Variants in LDHB observed in about 807,000 individuals in gnomAD.
LDHB encodes the protein lactate dehydrogenase B.
LDHB carries 18 observed loss-of-function variants against 33.4 expected under a neutral mutation model. The observed-to-expected ratio is 0.54, with a 90% confidence interval of 0.37 to 0.80. The LOEUF (loss-of-function observed/expected upper bound fraction) is 0.80, where lower values mean the gene tolerates loss of function less well. LDHB is among the 30% of genes least tolerant of loss of function. The pLI is 0.00. For synonymous variants in LDHB, 121 were observed against 140.6 expected, an observed-to-expected ratio of 0.86 and a Z score of 0.98; for missense variants, 345 against 407.9, an observed-to-expected ratio of 0.85 and a Z score of 1.33.
intron 2 of LDHB, among the ~76,000 whole-genome samples, chr12:21,652,062 C>T (rs921574732): frequency 1.2e-4 from 18 of 151,888 alleles, no homozygotes; most frequent in African/African-American, 4.4e-4. Context: ...ACTCCAGGCA[C>T]AGTCTCAATT....
At chr12:21,636,389 C>T (rs1304268510) in intron 7 of LDHB, among the ~76,000 whole-genome samples, 4 of 151,220 alleles carry the variant, frequency 2.6e-5, no homozygotes, top group East Asian at 1.9e-4. Flanking sequence ...TTTACCAGTT[C>T]GTGTGGGTAA....
chr12:21,639,076 A>G (rs540518341), intron 5 of LDHB, among the ~76,000 whole-genome samples: 5 of 152,092 alleles, frequency 3.3e-5, no homozygotes, highest in African/African-American at 9.6e-5. Context: ...AAATAGGAGC[A>G]AAAGTGTGGG....
intron 1 of LDHB, among the ~76,000 whole-genome samples, chr12:21,655,442 TC>T (rs1166493324): frequency 6.6e-6 from 1 of 152,240 alleles, no homozygotes; most frequent in African/African-American, 2.4e-5. Flanking sequence ...TGGTTATCAT[TC>T]TTGGAAGATA....
chr12:21,635,500 C>T lies in LDHB; in HGVS notation c.*42G>A, dbSNP rs1464384055. ...ATGAAAACTAAAGGCTCGAGTTAAT[C>T]ACATTGTAGTTTTTAAATTTCTACA... is the stretch of plus-strand genomic sequence containing the variant. On this transcript the variant is annotated 3_prime_UTR_variant, in exon 8 of 8. Coordinates refer to ENST00000350669, the MANE Select transcript of LDHB (RefSeq NM_002300.8). 15 of 1,507,582 alleles carry T rather than the reference C, an allele frequency of 9.9e-6. No individual in the cohort carries two copies. Among genetic ancestry groups the T allele is most frequent in the Middle Eastern group, 2.3e-4 (1 of 4,300 alleles). 93.4% of individuals were successfully genotyped at this position (1,507,582 alleles called of 1,614,324 possible). A position where few individuals can be genotyped will look rare whatever the true frequency, so the allele number is the denominator to read the frequency against.
chr12:21,644,446 C>CCAAAAAAA (rs1555165057), intron 3 of LDHB, among the ~76,000 whole-genome samples: 4 of 108,846 alleles, frequency 3.7e-5, no homozygotes, highest in Admixed American at 2.0e-4. Flanking sequence ...AAAAAAAAAA[C>CCAAAAAAA]AAAAACAAAA....
Position 21,635,664 on chromosome 12 carries a change from TA to T in LDHB, c.882del (p.Cys294Ter), listed in dbSNP as rs1263799250. 6.2e-7 allele frequency: 1 copy of T among 1,613,760 alleles called. No homozygotes were observed. Among genetic ancestry groups the T allele is most frequent in the Admixed American group, 1.7e-5 (1 of 59,976 alleles). ...CTGGTTAATCCCCGGGCATTGAGGA[TA>T]CATGGAAGGCTCAGGAAGACTTCAT... ...IENEVFLSLP[C>X]ILNARGLTSV... On this transcript the variant is annotated frameshift_variant, in exon 8 of 8. Coordinates refer to ENST00000350669, the MANE Select transcript of LDHB (RefSeq NM_002300.8). LOFTEE classifies it high-confidence loss of function.
rs755495370 is a variant in LDHB, at chr12:21,654,548, C to A, written c.124G>T (p.Gly42Ter). 1.9e-6 allele frequency: 3 copies of A among 1,614,042 alleles called. No individual in the cohort carries two copies. Among genetic ancestry groups the A allele is most frequent in the Non-Finnish European group, 2.5e-6 (3 of 1,179,950 alleles). ...VGMACAISIL[G>*]KSLADELALV... The stretch of plus-strand genomic sequence containing the variant: ...ATGGTGTTCTTGAAATGTACCTTTC[C>A]CAGAATGCTGATAGCACACGCCATA... The change falls in exon 2 of 8, where the codon GGA (glycine) becomes TGA (stop). Residue 42 changes from glycine to a stop codon, truncating the protein, a stop_gained. Transcript: ENST00000350669. LOFTEE classifies it high-confidence loss of function.
At chr12:21,648,361 G>A (rs767027431) in intron 2 of LDHB, among the ~76,000 whole-genome samples, 5 of 152,014 alleles carry the variant, frequency 3.3e-5, no homozygotes, top group African/African-American at 9.7e-5. Flanking sequence ...AGTATTCACC[G>A]GATGCAAAAG....
chr12:21,641,717 A>T (rs1938372708), intron 5 of LDHB, among the ~76,000 whole-genome samples: 1 of 152,154 alleles, frequency 6.6e-6, no homozygotes, highest in Non-Finnish European at 1.5e-5. Flanking sequence ...AAGGAGAAAA[A>T]GGTGAGGGAA....
At position 21,635,403 on chromosome 12, in the gene LDHB, T is replaced by C. The variant is rs1200236342; in HGVS notation, c.*139A>G. The C allele has an allele frequency of 1.5e-5, 11 of 756,578 alleles. No homozygotes were observed. In the South Asian group the frequency reaches 1.5e-4, roughly 10 times the overall value. The allele number at this position is 756,578 out of a possible 1,614,324, so 46.9% of individuals were successfully genotyped here. A position where few individuals can be genotyped will look rare whatever the true frequency, so the allele number is the denominator to read the frequency against. Reference sequence around the variant, plus strand: ...CAGATTGCAAGCATTAAACCAAGCATAGGCTTTGATTCTGTGAGCCCAAAT... The same window carrying C: ...CAGATTGCAAGCATTAAACCAAGCACAGGCTTTGATTCTGTGAGCCCAAAT... On this transcript the variant is annotated 3_prime_UTR_variant, in exon 8 of 8. Coordinates refer to ENST00000350669, the MANE Select transcript of LDHB (RefSeq NM_002300.8).
At chr12:21,653,092 A>G (rs376716031) in intron 2 of LDHB, among the ~76,000 whole-genome samples, 2 of 152,202 alleles carry the variant, frequency 1.3e-5, no homozygotes, top group South Asian at 2.1e-4. Flanking sequence ...AGTGAAATAA[A>G]TAAGAAAAGG....
chr12:21,635,606 A>G lies in LDHB; in HGVS notation c.941T>C (p.Val314Ala). 1.2e-6 allele frequency: 2 copies of G among 1,613,210 alleles called. No individual in the cohort carries two copies. Among genetic ancestry groups the G allele is most frequent in the Non-Finnish European group, 1.7e-6 (2 of 1,179,920 alleles). ...ATCTGCACTTTTCTTGAGCTGAGCA[A>G]CCTCATCATCCTTTAGCTTCTGGTT... Reference protein sequence around the residue: ...VINQKLKDDEVAQLKKSADTL... With the variant: ...VINQKLKDDEAAQLKKSADTL... The change falls in exon 8 of 8, where the codon GTT (valine) becomes GCT (alanine). Residue 314 changes from valine (V) to alanine (A), a missense_variant. By Grantham distance (64) the Val-to-Ala change is moderately conservative. Coordinates refer to ENST00000350669, the MANE Select transcript of LDHB (RefSeq NM_002300.8).
At chr12:21,655,801 CCAT>C (rs1236988621) in intron 1 of LDHB, among the ~76,000 whole-genome samples, 3 of 152,112 alleles carry the variant, frequency 2.0e-5, no homozygotes, top group African/African-American at 7.2e-5. Context: ...TGTACTTGTG[CCAT>C]CAGATAACCA....
At chr12:21,651,311 G>A (rs1258534796) in intron 2 of LDHB, among the ~76,000 whole-genome samples, 1 of 152,188 alleles carries the variant, frequency 6.6e-6, no homozygotes, top group East Asian at 1.9e-4. Flanking sequence ...TAAAATGACT[G>A]GAGAGTTTTA....
chr12:21,644,438 A>AAAC (rs1938465830), intron 3 of LDHB, among the ~76,000 whole-genome samples: 1 of 65,968 alleles, frequency 1.5e-5, no homozygotes, highest in Admixed American at 1.5e-4. Context: ...AAAAAAAAAA[A>AAAC]AAAAAAACAA....
chr12:21,639,088 T>C (rs917167009), intron 5 of LDHB, among the ~76,000 whole-genome samples: 1 of 151,848 alleles, frequency 6.6e-6, no homozygotes, highest in African/African-American at 2.4e-5. Flanking sequence ...AAGTGTGGGG[T>C]AGAATCTACT....
chr12:21,654,396 G>C (rs1052868670), intron 2 of LDHB, 147 bp downstream of exon 2: 1 of 708,446 alleles, frequency 1.4e-6, no homozygotes, highest in Admixed American at 2.3e-5. Flanking sequence ...TTAAATATTT[G>C]AAAGTGAAGT....
intron 1 of LDHB, among the ~76,000 whole-genome samples, chr12:21,655,131 G>GA (rs1393343813): frequency 2.7e-5 from 4 of 150,836 alleles, no homozygotes; most frequent in Admixed American, 2.6e-4. Context: ...AGGAAAAAAA[G>GA]AAAAAAAAGA....
At chr12:21,650,244 T>C (rs1451753841) in intron 2 of LDHB, among the ~76,000 whole-genome samples, 1 of 152,170 alleles carries the variant, frequency 6.6e-6, no homozygotes, top group Non-Finnish European at 1.5e-5. Flanking sequence ...ATATGTGCCA[T>C]CTATTCAATA....
Sources: gnomAD v4.1 joint callset for allele counts (sites outside exome capture counted in the v4.1 genomes callset) on GRCh38, gnomAD v4.1.1 for gene constraint, MANE v1.5 for transcripts, NCBI Gene and HGNC (gene_info 2026-07-23, HGNC 2026-07-21) for gene names.